Variants in ZNF407 observed in about 807,000 individuals in gnomAD.
ZNF407 encodes the protein zinc finger protein 407.
In ZNF407, 17 loss-of-function variants were observed where a neutral mutation model predicts 131.2. The observed-to-expected ratio is 0.13, with a 90% CI of 0.09 to 0.19. The LOEUF is 0.19. Among genes scored for constraint, ZNF407 ranks in the 10% least tolerant of loss-of-function variants. The probability of loss-of-function intolerance (pLI) is 1.00; values close to 1 mark genes in which losing one functional copy is unlikely to be tolerated. For synonymous variants in ZNF407, 1,156 were observed against 1,062.0 expected, an observed-to-expected ratio of 1.09 and a Z score of -1.72; for missense variants, 2,681 against 2,830.6, an observed-to-expected ratio of 0.95 and a Z score of 1.20.
chr18:75,045,202 T>G (rs1318660937), intron 8 of ZNF407, among the ~76,000 whole-genome samples: 1 of 152,138 alleles, frequency 6.6e-6, no homozygotes, highest in Non-Finnish European at 1.5e-5. Context: ...TGAAAAAATG[T>G]GCAGATGTGA....
chr18:74,860,484 A>ATATTATTATTATTATTAT (rs1167796493), intron 4 of ZNF407, among the ~76,000 whole-genome samples: 5 of 145,512 alleles, frequency 3.4e-5, no homozygotes, highest in South Asian at 2.2e-4. Context: ...CAGAACCTCT[A>ATATTATTATTATTATTAT]TATTATTATT....
chr18:74,762,183 G>A (rs1969110728), intron 3 of ZNF407, among the ~76,000 whole-genome samples: 1 of 151,852 alleles, frequency 6.6e-6, no homozygotes, highest in Non-Finnish European at 1.5e-5. Context: ...ATATAATTTA[G>A]GAAACAATGT....
chr18:74,970,952 T>C (rs1402134252), intron 8 of ZNF407, among the ~76,000 whole-genome samples: 4 of 152,260 alleles, frequency 2.6e-5, no homozygotes, highest in Non-Finnish European at 1.5e-5. Flanking sequence ...TTCTGAAATC[T>C]AGGCAGAGGT....
chr18:75,003,809 G>C (rs1000891559), intron 8 of ZNF407, among the ~76,000 whole-genome samples: 1 of 152,088 alleles, frequency 6.6e-6, no homozygotes, highest in Non-Finnish European at 1.5e-5. Flanking sequence ...ACATGATATG[G>C]AGACACTCAA....
chr18:75,032,846 C>G (rs1458460650), intron 8 of ZNF407, among the ~76,000 whole-genome samples: 3 of 111,114 alleles, frequency 2.7e-5, no homozygotes, highest in African/African-American at 1.1e-4. Context: ...TAAGAGTGCT[C>G]GGAATGGGGG....
At chr18:74,965,848 T>G (rs112606186) in intron 8 of ZNF407, among the ~76,000 whole-genome samples, 4 of 152,322 alleles carry the variant, frequency 2.6e-5, no homozygotes, top group African/African-American at 9.6e-5. Flanking sequence ...ATATAAGCCA[T>G]TTTAACTGGA....
At chr18:74,739,204 A>G (rs946395064) in intron 3 of ZNF407, among the ~76,000 whole-genome samples, 4 of 151,312 alleles carry the variant, frequency 2.6e-5, no homozygotes, top group African/African-American at 4.8e-5. Context: ...TAGAATTTAT[A>G]TATATAGATG....
intron 8 of ZNF407, among the ~76,000 whole-genome samples, chr18:75,032,672 T>G (rs1305996118): frequency 6.6e-6 from 1 of 151,018 alleles, no homozygotes; most frequent in Non-Finnish European, 1.5e-5. Flanking sequence ...TAGTATTAGG[T>G]AACTAAGACT....
intron 3 of ZNF407, among the ~76,000 whole-genome samples, chr18:74,654,652 CAT>C (rs1192689266): frequency 9.9e-5 from 15 of 151,732 alleles, no homozygotes; most frequent in Admixed American, 9.9e-4. Context: ...TTAAAAATAA[CAT>C]GTTAAACTAC....
chr18:74,627,529 C>T (rs541309500), intron 1 of ZNF407, among the ~76,000 whole-genome samples: 3 of 152,274 alleles, frequency 2.0e-5, no homozygotes, highest in South Asian at 4.1e-4. Context: ...TAGGGTTTCA[C>T]CATGTTGCCC....
intron 3 of ZNF407, among the ~76,000 whole-genome samples, chr18:74,751,820 C>T (rs147482871): frequency 0.019 from 2,885 of 152,134 alleles, 44 homozygotes; most frequent in Non-Finnish European, 0.027. Context: ...TGAATAGTGC[C>T]GCAGTAGACA....
chr18:74,719,591 G>C (rs950261078), intron 3 of ZNF407, among the ~76,000 whole-genome samples: 3 of 152,124 alleles, frequency 2.0e-5, no homozygotes, highest in Non-Finnish European at 4.4e-5. Context: ...TTTTAGTAGA[G>C]ACGGGGTTTC....
chr18:74,979,153 G>C (rs1277405256), intron 8 of ZNF407, among the ~76,000 whole-genome samples: 2 of 152,066 alleles, frequency 1.3e-5, no homozygotes, highest in Non-Finnish European at 2.9e-5. Flanking sequence ...GGAAGAAGTA[G>C]AACCTGTACC....
At chr18:74,978,753 G>A (rs955713024) in intron 8 of ZNF407, among the ~76,000 whole-genome samples, 7 of 152,074 alleles carry the variant, frequency 4.6e-5, no homozygotes, top group African/African-American at 1.4e-4. Context: ...AATTGAAGAT[G>A]AAAAACTTAA....
At chr18:75,055,644 A>G (rs1973553469) in intron 8 of ZNF407, among the ~76,000 whole-genome samples, 1 of 152,164 alleles carries the variant, frequency 6.6e-6, no homozygotes, top group Admixed American at 6.5e-5. Context: ...AGGCCCATGG[A>G]GACTATTCTT....
chr18:74,688,007 A>G (rs1258917531), intron 3 of ZNF407, among the ~76,000 whole-genome samples: 1 of 152,214 alleles, frequency 6.6e-6, no homozygotes, highest in African/African-American at 2.4e-5. Context: ...AAGGGATAAT[A>G]GAACTGACCT....
At chr18:74,903,937 C>T (rs1014022892) in intron 7 of ZNF407, among the ~76,000 whole-genome samples, 20 of 152,150 alleles carry the variant, frequency 1.3e-4, no homozygotes, top group African/African-American at 4.8e-4. Flanking sequence ...TATTGTATCC[C>T]CTATCCAGTC....
At chr18:74,704,607 T>C (rs1967580499) in intron 3 of ZNF407, among the ~76,000 whole-genome samples, 2 of 152,194 alleles carry the variant, frequency 1.3e-5, no homozygotes, top group Admixed American at 6.5e-5. Context: ...AAATAGGTTA[T>C]CACAATTTAA....
At position 74,914,767 on chromosome 18, in the gene ZNF407, TGCCA is replaced by T. The variant is rs1358722867; in HGVS notation, c.5250-5745_5250-5742del. Among the ~76,000 whole-genome samples, 3 of 152,274 alleles carry T rather than the reference TGCCA, an allele frequency of 2.0e-5. No individual in the cohort carries two copies. The East Asian group carries it at 5.8e-4, about 29-fold the overall frequency. Reference sequence around the variant, plus strand: ...TTTCCTCTGCACCATGGTCGTCTGCTGCCAGGAATAAGAGGAAGAGGGTGGGGAT... The same window carrying T: ...TTTCCTCTGCACCATGGTCGTCTGCTGGAATAAGAGGAAGAGGGTGGGGAT... On this transcript the variant is annotated intron_variant, in intron 7 of 8. Transcript: ENST00000299687.
Sources: allele counts gnomAD v4.1 joint callset (sites outside exome capture counted in the v4.1 genomes callset), GRCh38; gene constraint gnomAD v4.1.1; transcripts MANE v1.5; gene names NCBI Gene and HGNC (gene_info 2026-07-23, HGNC 2026-07-21).